Variants in WWOX observed in about 807,000 individuals in gnomAD.
WWOX encodes WW domain containing oxidoreductase.
A neutral mutation model predicts 46.2 loss-of-function variants in WWOX; 69 were observed. The observed-to-expected ratio is 1.49, with a 90% CI of 1.23 to 1.82. The LOEUF (loss-of-function observed/expected upper bound fraction) is 1.82. Among genes scored for constraint, WWOX ranks in the 40% most tolerant of loss-of-function variants. WWOX has a pLI of 0.00. For missense variants in WWOX, 919 were observed against 542.6 expected (o/e 1.69, Z -6.89); for synonymous variants, 359 against 202.6 (o/e 1.77, Z -6.56).
At chr16:79,014,797 C>A (rs758756727) in intron 8 of WWOX, among the ~76,000 whole-genome samples, 6 of 152,180 alleles carry the variant, frequency 3.9e-5, no homozygotes, top group Non-Finnish European at 8.8e-5. Context: ...ACTTACTATG[C>A]TATTTTTGGT....
chr16:78,960,864 A>G (rs1204517436), intron 8 of WWOX, among the ~76,000 whole-genome samples: 1 of 152,198 alleles, frequency 6.6e-6, no homozygotes, highest in South Asian at 2.1e-4. Flanking sequence ...TACTGTATAC[A>G]TACATAGCTC....
intron 8 of WWOX, among the ~76,000 whole-genome samples, chr16:79,194,667 T>C (rs2051203219): frequency 6.6e-6 from 1 of 152,210 alleles, no homozygotes; most frequent in African/African-American, 2.4e-5. Context: ...TCTCACTGCC[T>C]TTCTGTTCTA....
chr16:78,950,623 A>G (rs1198102035), intron 8 of WWOX, among the ~76,000 whole-genome samples: 1 of 152,172 alleles, frequency 6.6e-6, no homozygotes, highest in African/African-American at 2.4e-5. Flanking sequence ...GAACTTAAAA[A>G]TGACTTCCAT....
At chr16:78,315,873 A>G (rs186769463) in intron 5 of WWOX, among the ~76,000 whole-genome samples, 24 of 152,270 alleles carry the variant, frequency 1.6e-4, no homozygotes, top group South Asian at 2.1e-4. Context: ...TCCCAGCCAC[A>G]GTAGATGTAT....
intron 8 of WWOX, among the ~76,000 whole-genome samples, chr16:78,977,020 C>T (rs1283928795): frequency 1.3e-5 from 2 of 152,094 alleles, no homozygotes; most frequent in South Asian, 2.1e-4. Flanking sequence ...GAGAGCTTTC[C>T]CCTGGCCTGG....
At chr16:78,691,451 C>G (rs1434488490) in intron 8 of WWOX, among the ~76,000 whole-genome samples, 2 of 152,138 alleles carry the variant, frequency 1.3e-5, no homozygotes, top group Admixed American at 6.6e-5. Flanking sequence ...AATCTCCACA[C>G]TTTGGGAGGC....
intron 8 of WWOX, among the ~76,000 whole-genome samples, chr16:79,070,661 C>G (rs1011000846): frequency 1.3e-5 from 2 of 152,072 alleles, no homozygotes; most frequent in African/African-American, 4.8e-5. Flanking sequence ...AGAGGGTATG[C>G]GAGAGATGTC....
intron 8 of WWOX, among the ~76,000 whole-genome samples, chr16:78,801,907 G>T (rs1170830868): frequency 1.3e-5 from 2 of 152,076 alleles, no homozygotes; most frequent in African/African-American, 4.8e-5. Flanking sequence ...TTTGTGATTT[G>T]GTGTAAATCG....
Position 78,961,667 on chromosome 16 carries a change from G to T in WWOX, c.1057-249941G>T, listed in dbSNP as rs370421703. 5.3e-5 allele frequency among the ~76,000 whole-genome samples: 8 copies of T among 152,242 alleles called. No individual in the cohort carries two copies. The South Asian group carries it at 1.7e-3, about 32-fold the overall frequency. ...TGATCTTCCAGCTTCACGTGCAAGA[G>T]AATCCCCAAGGTGAGCTTGTTAAAA... On this transcript the variant is annotated intron_variant, in intron 8 of 8. Coordinates refer to ENST00000566780, the MANE Select transcript of WWOX (RefSeq NM_016373.4).
chr16:78,173,647 A>T (rs1038120259), intron 5 of WWOX, among the ~76,000 whole-genome samples: 6 of 151,784 alleles, frequency 4.0e-5, no homozygotes, highest in African/African-American at 1.5e-4. Context: ...TGCTAATATG[A>T]CTCTCAGATT....
At chr16:78,681,768 C>G (rs527282957) in intron 8 of WWOX, among the ~76,000 whole-genome samples, 10 of 152,346 alleles carry the variant, frequency 6.6e-5, no homozygotes, top group African/African-American at 2.4e-4. Context: ...TGCGCAGTGA[C>G]TCTGTGGCGT....
chr16:78,596,940 T>G (rs2045505355), intron 8 of WWOX, among the ~76,000 whole-genome samples: 1 of 152,120 alleles, frequency 6.6e-6, no homozygotes, highest in African/African-American at 2.4e-5. Flanking sequence ...TCAATAAACA[T>G]GCGGTCTAAA....
At chr16:78,963,889 GC>G (rs2046318050) in intron 8 of WWOX, among the ~76,000 whole-genome samples, 1 of 152,154 alleles carries the variant, frequency 6.6e-6, no homozygotes, top group Non-Finnish European at 1.5e-5. Context: ...AATCATGGGG[GC>G]TGGTGTTTCC....
At chr16:79,049,438 A>C (rs923357916) in intron 8 of WWOX, among the ~76,000 whole-genome samples, 12 of 152,208 alleles carry the variant, frequency 7.9e-5, no homozygotes, top group African/African-American at 2.9e-4. Context: ...GGGCATCGAT[A>C]TTCTGGTACA....
chr16:78,182,193 G>T (rs945289209), intron 5 of WWOX, among the ~76,000 whole-genome samples: 1 of 152,172 alleles, frequency 6.6e-6, no homozygotes, highest in Non-Finnish European at 1.5e-5. Context: ...ACAGTATTTG[G>T]ATCACAAGAT....
chr16:78,812,150 G>C (rs551662582), intron 8 of WWOX, among the ~76,000 whole-genome samples: 156 of 152,048 alleles, frequency 1.0e-3, no homozygotes, highest in African/African-American at 3.5e-3. Flanking sequence ...ACCAATGCAT[G>C]GCAATGCATA....
intron 8 of WWOX, among the ~76,000 whole-genome samples, chr16:79,134,184 T>C (rs1405783930): frequency 6.6e-6 from 1 of 151,820 alleles, no homozygotes; most frequent in African/African-American, 2.4e-5. Flanking sequence ...TTTTTTTTTC[T>C]CTTTAATTTT....
chr16:79,200,654 A>G (rs1355765466), intron 8 of WWOX, among the ~76,000 whole-genome samples: 1 of 152,058 alleles, frequency 6.6e-6, no homozygotes, highest in Non-Finnish European at 1.5e-5. Flanking sequence ...TGGCCATTAC[A>G]GTTGGGATTA....
chr16:78,825,256 C>T (rs947609188), intron 8 of WWOX: 10 of 248,820 alleles, frequency 4.0e-5, no homozygotes, highest in Admixed American at 2.7e-4. Context: ...AATCTGCTTT[C>T]CTTTTGATGG....
Sources: gnomAD v4.1 joint callset for allele counts (sites outside exome capture counted in the v4.1 genomes callset) on GRCh38, gnomAD v4.1.1 for gene constraint, MANE v1.5 for transcripts, NCBI Gene and HGNC (gene_info 2026-07-23, HGNC 2026-07-21) for gene names.